The following RSRC1 variants were observed in gnomAD, a reference collection of about 807,000 sequenced individuals.
The protein encoded by RSRC1 is arginine and serine rich coiled-coil 1, also known as serine/Arginine-related protein 53.
Under a neutral mutation model 49.1 loss-of-function variants are expected in RSRC1, and 39 were observed. The observed-to-expected ratio is 0.79, with a 90% CI of 0.61 to 1.04. The LOEUF (loss-of-function observed/expected upper bound fraction) is 1.04, where lower values mean the gene tolerates loss of function less well. Ranked by LOEUF, RSRC1 falls within the 50% of genes least tolerant of loss-of-function variation. The pLI, the probability that RSRC1 is intolerant of heterozygous loss-of-function variation, is 0.00. For missense variants in RSRC1, 388 were observed against 402.4 expected (o/e 0.96, Z 0.31); for synonymous variants, 143 against 130.8 (o/e 1.09, Z -0.63).
intron 5 of RSRC1, among the ~76,000 whole-genome samples, chr3:158,327,425 T>C (rs1163034386): frequency 6.6e-6 from 1 of 152,252 alleles, no homozygotes; most frequent in East Asian, 1.9e-4. Context: ...GATTCTGGTA[T>C]GTTGTGTCTT....
intron 6 of RSRC1, among the ~76,000 whole-genome samples, chr3:158,358,929 C>T (rs62289493): frequency 7.8e-5 from 3 of 38,528 alleles, no homozygotes; most frequent in Non-Finnish European, 1.4e-4. Context: ...CACAAACATA[C>T]ACACACACAC....
chr3:158,173,418 T>C (rs2108241005), intron 3 of RSRC1, among the ~76,000 whole-genome samples: 1 of 152,164 alleles, frequency 6.6e-6, no homozygotes, highest in South Asian at 2.1e-4. Flanking sequence ...TTCGTTGTTA[T>C]TAAGATCTAA....
intron 6 of RSRC1, among the ~76,000 whole-genome samples, chr3:158,355,999 A>T (rs1293804570): frequency 6.6e-6 from 1 of 151,892 alleles, no homozygotes. Flanking sequence ...ATTAATAATG[A>T]TAATAAAATG....
intron 1 of RSRC1, among the ~76,000 whole-genome samples, chr3:158,113,578 AG>A (rs1489957331): frequency 6.6e-6 from 1 of 152,058 alleles, no homozygotes; most frequent in African/African-American, 2.4e-5. Context: ...CATGCTGGCC[AG>A]GATGGTCTCC....
At chr3:158,345,998 C>G (rs892134747) in intron 5 of RSRC1, among the ~76,000 whole-genome samples, 1 of 151,876 alleles carries the variant, frequency 6.6e-6, no homozygotes, top group Admixed American at 6.6e-5. Flanking sequence ...TCAGTGCACA[C>G]CTTGTACTGT....
intron 4 of RSRC1, among the ~76,000 whole-genome samples, chr3:158,268,785 T>C (rs1725347749): frequency 6.6e-6 from 1 of 152,196 alleles, no homozygotes; most frequent in South Asian, 2.1e-4. Flanking sequence ...AACAAAACCT[T>C]TAAAGATACT....
In RSRC1 at chr3:158,537,342, A is replaced by C. The variant is rs867663426; in HGVS notation, c.759+144A>C. ...CAGCCATGTTGCTGAGAGAGAGAAAACAAATCAGGGAGACTCAGTCACTTT... is the reference window on the plus strand; with the variant it reads ...CAGCCATGTTGCTGAGAGAGAGAAACCAAATCAGGGAGACTCAGTCACTTT... On this transcript the variant is annotated intron_variant, in intron 8 of 9. Transcript: ENST00000611884. 38 of 522,136 alleles carry C rather than the reference A, an allele frequency of 7.3e-5. No individual in the cohort carries two copies. In the Middle Eastern group the frequency reaches 2.2e-3, roughly 30 times the overall value. The allele number at this position is 522,136 out of a possible 1,614,324, so 32.3% of individuals were successfully genotyped here.
chr3:158,484,864 G>T (rs548693133), intron 7 of RSRC1, among the ~76,000 whole-genome samples: 1 of 151,976 alleles, frequency 6.6e-6, no homozygotes, highest in Non-Finnish European at 1.5e-5. Flanking sequence ...AAATGAAATG[G>T]TTCTAGTTTT....
intron 5 of RSRC1, among the ~76,000 whole-genome samples, chr3:158,300,792 T>C (rs146043906): frequency 7.1e-4 from 108 of 152,294 alleles, no homozygotes; most frequent in African/African-American, 2.6e-3. Context: ...AGAGCATTGT[T>C]CTAAGGGGGT....
At chr3:158,392,431 T>C (rs1733363148) in intron 6 of RSRC1, among the ~76,000 whole-genome samples, 2 of 152,040 alleles carry the variant, frequency 1.3e-5, no homozygotes, top group South Asian at 2.1e-4. Flanking sequence ...CACCTAACAT[T>C]ATATGAGCTC....
chr3:158,286,749 G>A (rs529964239), intron 4 of RSRC1, among the ~76,000 whole-genome samples: 1 of 152,318 alleles, frequency 6.6e-6, no homozygotes, highest in South Asian at 2.1e-4. Flanking sequence ...ACAACGGAAG[G>A]AAGAGAAAAT....
At chr3:158,197,791 G>T (rs555451961) in intron 3 of RSRC1, among the ~76,000 whole-genome samples, 6 of 152,136 alleles carry the variant, frequency 3.9e-5, no homozygotes, top group Admixed American at 2.0e-4. Flanking sequence ...TTTCCATGTA[G>T]TTGAGCGGTT....
intron 7 of RSRC1, among the ~76,000 whole-genome samples, chr3:158,482,935 C>A (rs1056328886): frequency 3.3e-5 from 5 of 151,878 alleles, no homozygotes; most frequent in Admixed American, 2.0e-4. Flanking sequence ...CACAATACCC[C>A]CTCCTGCTGG....
chr3:158,418,571 G>A (rs979654289), intron 6 of RSRC1, among the ~76,000 whole-genome samples: 4 of 151,838 alleles, frequency 2.6e-5, no homozygotes, highest in East Asian at 1.9e-4. Context: ...TTTTGTGGAC[G>A]TTGAGGAGCC....
At chr3:158,366,548 A>C (rs143798260) in intron 6 of RSRC1, among the ~76,000 whole-genome samples, 11,144 of 152,216 alleles carry the variant, frequency 0.073, 479 homozygotes, top group South Asian at 0.13. Flanking sequence ...TGGTTACCGT[A>C]GCCTTGTATT....
intron 3 of RSRC1, among the ~76,000 whole-genome samples, chr3:158,197,179 G>T (rs975859221): frequency 3.3e-5 from 5 of 152,098 alleles, no homozygotes; most frequent in African/African-American, 7.2e-5. Flanking sequence ...CAATTTCAGA[G>T]CCTGTTATTG....
intron 3 of RSRC1, among the ~76,000 whole-genome samples, chr3:158,190,335 C>G: frequency 6.6e-6 from 1 of 151,780 alleles, no homozygotes; most frequent in East Asian, 1.9e-4. Flanking sequence ...CTTGTGTTTT[C>G]TTTTGGAACC....
At chr3:158,357,192 T>C (rs746777579) in intron 6 of RSRC1, among the ~76,000 whole-genome samples, 2 of 152,170 alleles carry the variant, frequency 1.3e-5, no homozygotes, top group African/African-American at 2.4e-5. Flanking sequence ...CTCTTATACA[T>C]TGTGTTAGTC....
chr3:158,475,780 A>G (rs1738341496), intron 7 of RSRC1, among the ~76,000 whole-genome samples: 1 of 151,920 alleles, frequency 6.6e-6, no homozygotes, highest in Admixed American at 6.6e-5. Context: ...TCTGAAACAC[A>G]ATGTTGAAAT....
Sources: allele counts gnomAD v4.1 joint callset (sites outside exome capture counted in the v4.1 genomes callset), GRCh38; gene constraint gnomAD v4.1.1; transcripts MANE v1.5; gene names NCBI Gene and HGNC (gene_info 2026-07-23, HGNC 2026-07-21).